GABRB1: variants seen among roughly 807,000 people sequenced by gnomAD.
GABRB1 encodes the protein gamma-aminobutyric acid receptor subunit beta-1.
Under a neutral mutation model 51.6 loss-of-function variants are expected in GABRB1, and 17 were observed. That is an observed-to-expected ratio of 0.33 (90% CI 0.23 to 0.49). The LOEUF (loss-of-function observed/expected upper bound fraction) is 0.49. Ranked by LOEUF, GABRB1 falls within the 20% of genes least tolerant of loss-of-function variation. The pLI is 0.99. For missense variants in GABRB1, 410 were observed against 600.6 expected, an observed-to-expected ratio of 0.68 and a Z score of 3.32; for synonymous variants, 247 against 218.9, an observed-to-expected ratio of 1.13 and a Z score of -1.14.
chr4:47,355,610 T>G (rs1026810431), intron 5 of GABRB1, among the ~76,000 whole-genome samples: 1 of 152,234 alleles, frequency 6.6e-6, no homozygotes, highest in Admixed American at 6.5e-5. Context: ...TTGCTTTTTA[T>G]GGCTTTTGCC....
At chr4:47,006,234 TAA>T (rs1724394196) in intron 1 of GABRB1, among the ~76,000 whole-genome samples, 1 of 152,028 alleles carries the variant, frequency 6.6e-6, no homozygotes, top group Admixed American at 6.6e-5. Flanking sequence ...AAAAATTTCA[TAA>T]GTCTACCAAT....
chr4:47,341,982 T>C (rs1725917644), intron 5 of GABRB1, among the ~76,000 whole-genome samples: 1 of 152,122 alleles, frequency 6.6e-6, no homozygotes, highest in Admixed American at 6.6e-5. Flanking sequence ...AACTCCCTTA[T>C]ATATAGATGA....
At chr4:47,187,583 G>A (rs542509448) in intron 4 of GABRB1, among the ~76,000 whole-genome samples, 1 of 151,798 alleles carries the variant, frequency 6.6e-6, no homozygotes, top group African/African-American at 2.4e-5. Flanking sequence ...AAATTATATG[G>A]ATCCTCCCAT....
chr4:47,146,370 G>A (rs757444833), intron 3 of GABRB1, among the ~76,000 whole-genome samples: 34 of 151,776 alleles, frequency 2.2e-4, no homozygotes, highest in Non-Finnish European at 4.4e-4. Context: ...TAGAGCAACA[G>A]TAAGAGAAAA....
rs959996471 is a variant in GABRB1 at position 47,408,259 on chromosome 4, A to G, written c.1080+1333A>G. 3.3e-5 allele frequency among the ~76,000 whole-genome samples: 5 copies of G among 152,214 alleles called. No homozygotes were observed. In the East Asian group the frequency reaches 7.7e-4, roughly 23 times the overall value. On this transcript the variant is annotated intron_variant, in intron 8 of 8. Coordinates refer to ENST00000295454, the MANE Select transcript of GABRB1 (RefSeq NM_000812.4). ...ACCATGCCATGTCCATTCTAGGCAA[A>G]GGAAATAGCAAGTGCATAGGCTCTG...
intron 4 of GABRB1, among the ~76,000 whole-genome samples, chr4:47,193,677 G>A (rs1032363267): frequency 6.6e-5 from 10 of 152,040 alleles, no homozygotes; most frequent in Non-Finnish European, 1.3e-4. Context: ...TTTACCCTAA[G>A]AGTCTACACT....
intron 4 of GABRB1, among the ~76,000 whole-genome samples, chr4:47,185,521 A>C (rs1410798326): frequency 6.6e-6 from 1 of 151,818 alleles, no homozygotes; most frequent in Non-Finnish European, 1.5e-5. Flanking sequence ...ACTTCCTGAC[A>C]TATGATATAT....
intron 4 of GABRB1, among the ~76,000 whole-genome samples, chr4:47,237,858 A>C (rs1721384935): frequency 6.6e-6 from 1 of 152,060 alleles, no homozygotes; most frequent in South Asian, 2.1e-4. Flanking sequence ...TAATGAAGTA[A>C]TAATTGAGAT....
At chr4:47,220,777 G>A (rs1328243927) in intron 4 of GABRB1, among the ~76,000 whole-genome samples, 1 of 151,556 alleles carries the variant, frequency 6.6e-6, no homozygotes. Flanking sequence ...GGGTTTCAGT[G>A]CCCCCCCTTT....
chr4:47,029,957 T>C (rs1725235163), upstream of GABRB1, among the ~76,000 whole-genome samples: 1 of 152,124 alleles, frequency 6.6e-6, no homozygotes, highest in Non-Finnish European at 1.5e-5. Flanking sequence ...AATGCCCCCA[T>C]ATTCCTTCTC....
chr4:47,273,672 C>T (rs1470168971), intron 4 of GABRB1, among the ~76,000 whole-genome samples: 1 of 151,926 alleles, frequency 6.6e-6, no homozygotes, highest in East Asian at 1.9e-4. Flanking sequence ...GTTGTAGTCC[C>T]TGCCCTGCTG....
chr4:47,098,705 T>G (rs1247093789), intron 3 of GABRB1, among the ~76,000 whole-genome samples: 1 of 152,102 alleles, frequency 6.6e-6, no homozygotes, highest in African/African-American at 2.4e-5. Flanking sequence ...ATAAATTGCC[T>G]AAGGTTAAAT....
rs554190724 is a variant in GABRB1 at position 47,298,961 on chromosome 4, C to G, written c.462-21166C>G. On this transcript the variant is annotated intron_variant, in intron 4 of 8. Coordinates refer to ENST00000295454, the MANE Select transcript of GABRB1 (RefSeq NM_000812.4). ...ATATCTACAACTATCTGATCTTTGACAAAGCTGAGAAAAACAAGCAATGGG... is the reference window on the plus strand; with the variant it reads ...ATATCTACAACTATCTGATCTTTGAGAAAGCTGAGAAAAACAAGCAATGGG... 1.2e-4 allele frequency among the ~76,000 whole-genome samples: 18 copies of G among 151,914 alleles called. 1 individual carries two copies. In the South Asian group the frequency reaches 1.5e-3, roughly 12 times the overall value.
At chr4:47,185,051 G>A (rs1477579852) in intron 4 of GABRB1, among the ~76,000 whole-genome samples, 1 of 151,734 alleles carries the variant, frequency 6.6e-6, no homozygotes, top group Non-Finnish European at 1.5e-5. Context: ...CTCTAAAATA[G>A]GCAATAAATG....
intron 4 of GABRB1, among the ~76,000 whole-genome samples, chr4:47,258,921 C>T (rs1006311615): frequency 6.6e-6 from 1 of 152,092 alleles, no homozygotes; most frequent in African/African-American, 2.4e-5. Flanking sequence ...TACACAGAAA[C>T]TATTGATAAA....
intron 3 of GABRB1, among the ~76,000 whole-genome samples, chr4:47,039,399 G>C (rs1205009442): frequency 6.8e-6 from 1 of 147,356 alleles, no homozygotes; most frequent in Non-Finnish European, 1.5e-5. Context: ...TATGGTCTCT[G>C]TTCTTGTAGA....
intron 4 of GABRB1, among the ~76,000 whole-genome samples, chr4:47,287,839 CT>C (rs2109917181): frequency 6.6e-6 from 1 of 152,288 alleles, no homozygotes; most frequent in East Asian, 1.9e-4. Flanking sequence ...TGAGAGAGGT[CT>C]CCAACTGCCA....
intron 4 of GABRB1, among the ~76,000 whole-genome samples, chr4:47,279,323 G>T (rs1723193303): frequency 6.6e-6 from 1 of 152,098 alleles, no homozygotes; most frequent in African/African-American, 2.4e-5. Context: ...AATCAATTTA[G>T]CAGGTGGTGA....
chr4:46,997,285 T>C (rs1377815847), intron 1 of GABRB1, among the ~76,000 whole-genome samples: 6 of 152,014 alleles, frequency 3.9e-5, no homozygotes, highest in Non-Finnish European at 8.8e-5. Flanking sequence ...TCCACCACCT[T>C]ACATAGTTAC....
Sources: allele counts gnomAD v4.1 joint callset (sites outside exome capture counted in the v4.1 genomes callset), GRCh38; gene constraint gnomAD v4.1.1; transcripts MANE v1.5; gene names NCBI Gene and HGNC (gene_info 2026-07-23, HGNC 2026-07-21).